PCSK5: variants seen among roughly 807,000 people sequenced by gnomAD.
The protein encoded by PCSK5 is prohormone convertase 5.
PCSK5 carries 129 observed loss-of-function variants against 233.2 expected under a neutral mutation model. That is an observed-to-expected ratio of 0.55 (90% confidence interval 0.48 to 0.64). The LOEUF is 0.64. Among genes scored for constraint, PCSK5 ranks in the 30% least tolerant of loss-of-function variants. The pLI is 0.00. For missense variants in PCSK5, 2,076 were observed against 2,430.1 expected (o/e 0.85, Z 3.06); for synonymous variants, 825 against 879.2 (o/e 0.94, Z 1.09).
chr9:76,096,418 C>T (rs146948815), intron 8 of PCSK5, among the ~76,000 whole-genome samples: 11 of 152,256 alleles, frequency 7.2e-5, no homozygotes, highest in East Asian at 1.9e-4. Context: ...CTGGAATCTA[C>T]GCCTGACTCA....
chr9:76,256,687 C>T (rs536700649), intron 24 of PCSK5, among the ~76,000 whole-genome samples: 2 of 152,268 alleles, frequency 1.3e-5, no homozygotes, highest in African/African-American at 4.8e-5. Flanking sequence ...CCAGCTCGTG[C>T]CTGTTCATCA....
chr9:76,081,467 A>G (rs1321733460), intron 7 of PCSK5, among the ~76,000 whole-genome samples: 1 of 150,202 alleles, frequency 6.7e-6, no homozygotes, highest in African/African-American at 2.5e-5. Flanking sequence ...AAATAAATAA[A>G]TAAATAAACA....
intron 2 of PCSK5, among the ~76,000 whole-genome samples, chr9:75,950,884 C>T (rs568551360): frequency 6.6e-6 from 1 of 152,338 alleles, no homozygotes; most frequent in South Asian, 2.1e-4. Context: ...AATTAAAAGA[C>T]ACAAACAAGG....
At chr9:76,015,672 T>A (rs1415238070) in intron 3 of PCSK5, among the ~76,000 whole-genome samples, 1 of 152,178 alleles carries the variant, frequency 6.6e-6, no homozygotes, top group African/African-American at 2.4e-5. Context: ...TGCTTTAGAA[T>A]CATATACTGG....
intron 1 of PCSK5, among the ~76,000 whole-genome samples, chr9:75,930,989 C>T (rs774715795): frequency 1.8e-4 from 28 of 152,256 alleles, no homozygotes; most frequent in Non-Finnish European, 3.5e-4. Context: ...GAGGCTTCCC[C>T]GCCTGCATTC....
chr9:76,322,038 C>A (rs1375971403), intron 31 of PCSK5, among the ~76,000 whole-genome samples: 1 of 152,118 alleles, frequency 6.6e-6, no homozygotes, highest in East Asian at 1.9e-4. Flanking sequence ...CAACTTCTGC[C>A]TCCCATGTTT....
intron 22 of PCSK5, among the ~76,000 whole-genome samples, chr9:76,233,919 TA>T (rs1303797243): frequency 6.6e-6 from 1 of 151,962 alleles, no homozygotes; most frequent in Non-Finnish European, 1.5e-5. Flanking sequence ...TTTGTGGAGG[TA>T]AAAGTGAAGA....
At chr9:76,043,931 G>A (rs1206196064) in intron 5 of PCSK5, among the ~76,000 whole-genome samples, 1 of 152,058 alleles carries the variant, frequency 6.6e-6, no homozygotes, top group Non-Finnish European at 1.5e-5. Context: ...AAATCAGTCA[G>A]TCTTTCTCTC....
chr9:76,121,560 C>T (rs1832630223), intron 9 of PCSK5, among the ~76,000 whole-genome samples: 1 of 152,130 alleles, frequency 6.6e-6, no homozygotes, highest in African/African-American at 2.4e-5. Flanking sequence ...TATAAGGTAA[C>T]ATGGGTAGTA....
chr9:75,963,488 G>T (rs1825443792), intron 2 of PCSK5, among the ~76,000 whole-genome samples: 1 of 152,204 alleles, frequency 6.6e-6, no homozygotes, highest in South Asian at 2.1e-4. Context: ...TTTTCCTGTG[G>T]TTTTTAGCCA....
chr9:76,088,930 A>ATT (rs5898449), intron 7 of PCSK5, among the ~76,000 whole-genome samples: 1 of 140,146 alleles, frequency 7.1e-6, no homozygotes, highest in African/African-American at 2.6e-5. Flanking sequence ...AGGTTTTTTA[A>ATT]TTTTTTTTTT....
At chr9:75,993,699 C>T (rs1352607911) in intron 3 of PCSK5, among the ~76,000 whole-genome samples, 1 of 152,136 alleles carries the variant, frequency 6.6e-6, no homozygotes, top group Non-Finnish European at 1.5e-5. Flanking sequence ...GGGTACAAAG[C>T]ACAATCAGCA....
chr9:75,936,356 T>A (rs1442376418), intron 2 of PCSK5, among the ~76,000 whole-genome samples: 1 of 152,258 alleles, frequency 6.6e-6, no homozygotes, highest in East Asian at 1.9e-4. Context: ...GATTTCCCTG[T>A]AGCATGCAAT....
At chr9:76,088,469 A>G (rs190444829) in intron 7 of PCSK5, among the ~76,000 whole-genome samples, 6 of 152,244 alleles carry the variant, frequency 3.9e-5, no homozygotes, top group African/African-American at 1.2e-4. Flanking sequence ...TGAGAGCACA[A>G]TTATGAAATA....
chr9:75,896,417 A>G (rs1825808248), intron 1 of PCSK5, among the ~76,000 whole-genome samples: 1 of 152,222 alleles, frequency 6.6e-6, no homozygotes, highest in Non-Finnish European at 1.5e-5. Flanking sequence ...CCAGAGAAAC[A>G]GGGTAGTACA....
At chr9:76,188,136 G>T (rs999352171) in intron 17 of PCSK5, among the ~76,000 whole-genome samples, 6 of 152,204 alleles carry the variant, frequency 3.9e-5, no homozygotes, top group Admixed American at 6.5e-5. Context: ...ATAATTCATT[G>T]TACCATGTGT....
intron 23 of PCSK5, 149 bp downstream of exon 23, chr9:76,239,314 G>A: frequency 1.6e-6 from 1 of 639,026 alleles, no homozygotes; most frequent in Admixed American, 2.5e-5. Flanking sequence ...TGGGGAGAGA[G>A]GTAACTTTCT....
intron 34 of PCSK5, 71 bp from the exon 35 acceptor site, chr9:76,338,159 C>A: frequency 1.8e-6 from 2 of 1,092,068 alleles, no homozygotes; most frequent in Non-Finnish European, 2.7e-6. Context: ...ACCTGACCAC[C>A]ATGTTTTTCC....
chr9:76,073,911 A>T (rs1391469379), intron 7 of PCSK5, among the ~76,000 whole-genome samples: 1 of 152,172 alleles, frequency 6.6e-6, no homozygotes, highest in Non-Finnish European at 1.5e-5. Context: ...CTTTGGTTAA[A>T]AGAAGAGTAA....
Sources: gnomAD v4.1 joint callset for allele counts (sites outside exome capture counted in the v4.1 genomes callset) on GRCh38, gnomAD v4.1.1 for gene constraint, MANE v1.5 for transcripts, NCBI Gene and HGNC (gene_info 2026-07-23, HGNC 2026-07-21) for gene names.